Variants in USP44 observed in about 807,000 individuals in gnomAD.
The protein encoded by USP44 is ubiquitin specific peptidase 44.
In USP44, 61 loss-of-function variants were observed where a neutral mutation model predicts 69.0. That is an observed-to-expected ratio of 0.88 (90% CI 0.72 to 1.09). The LOEUF (loss-of-function observed/expected upper bound fraction) is 1.09. Among genes scored for constraint, USP44 ranks in the 50% least tolerant of loss-of-function variants. USP44 has a pLI of 0.00. For missense variants in USP44, 753 were observed against 849.9 expected, an observed-to-expected ratio of 0.89 and a Z score of 1.42; for synonymous variants, 297 against 295.4, an observed-to-expected ratio of 1.01 and a Z score of -0.06.
At chr12:95,524,851 G>A (rs2076785210) in intron 3 of USP44, 63 bp from the exon 4 acceptor site, 1 of 1,409,838 alleles carries the variant, frequency 7.1e-7, no homozygotes, top group South Asian at 1.3e-5. Context: ...AAAGCTGAGT[G>A]AACCTTCTTT....
rs751848023 is a variant in USP44, at chr12:95,518,228, G to A, written c.2065C>T (p.Pro689Ser). Reference protein sequence around the residue: ...VTENGHSKLLPPELLLGSQHP... With the variant: ...VTENGHSKLLSPELLLGSQHP... Reference sequence around the variant, plus strand: ...TGGCTCCCCAACAGGAGCTCTGGAGGCAAAAGTTTAGAATGTCCATTCTCA... The same window carrying A: ...TGGCTCCCCAACAGGAGCTCTGGAGACAAAAGTTTAGAATGTCCATTCTCA... The change falls in exon 6 of 6, where the codon CCT (proline) becomes TCT (serine). Residue 689 changes from proline (P) to serine (S), a missense_variant. Coordinates refer to ENST00000258499, the MANE Select transcript of USP44 (RefSeq NM_032147.5). The A allele has an allele frequency of 6.2e-7, 1 of 1,614,156 alleles. No homozygotes were observed. Among genetic ancestry groups the A allele is most frequent in the Admixed American group, 1.7e-5 (1 of 60,020 alleles).
chr12:95,537,848 A>G (rs542419255), intron 1 of USP44, among the ~76,000 whole-genome samples: 12 of 152,240 alleles, frequency 7.9e-5, no homozygotes, highest in Non-Finnish European at 1.6e-4. Flanking sequence ...TGTAAAAATA[A>G]CATGTTTTAA....
chr12:95,527,318 C>T (rs1205467698), intron 3 of USP44, among the ~76,000 whole-genome samples: 6 of 151,872 alleles, frequency 4.0e-5, no homozygotes. Flanking sequence ...TGGTCTCGAA[C>T]TCCTGACCTC....
At chr12:95,521,321 T>G in intron 4 of USP44, 119 bp from the exon 5 acceptor site, 1 of 915,454 alleles carries the variant, frequency 1.1e-6, no homozygotes, top group Non-Finnish European at 1.7e-6. Flanking sequence ...TCATATGTAA[T>G]ATAAAATGAT....
At position 95,534,231 on chromosome 12, in the gene USP44, T is replaced by C. The variant is rs1447488398; in HGVS notation, c.26A>G (p.His9Arg). The C allele has an allele frequency of 6.2e-7, 1 of 1,612,436 alleles. No homozygotes were observed. The highest frequency in any genetic ancestry group is 8.5e-7 in the Non-Finnish European group (1 of 1,178,794). Residue 9 changes from histidine (H) to arginine (R), a missense_variant, in exon 2 of 6, where the codon CAT (histidine) becomes CGT (arginine). His to Arg is a conservative substitution (Grantham distance 29). Transcript: ENST00000258499. The part of the protein sequence containing the change: MLAMDTCK[H>R]VGQLQLAQDH... ...TTGAGCAAGCTGCAGCTGCCCAACA[T>C]GTTTGCACGTATCCATTGCTAGCAT...
Position 95,524,716 on chromosome 12 carries a change from A to T in USP44, c.1697T>A (p.Leu566Gln), listed in dbSNP as rs200948953. ...GAGGTGCAGTCTGAGAACCTGAGGT[A>T]GGTGGCATATCATAAGTTGTTTCTG... Reference protein sequence around the residue: ...EAQKQLMICHLPQVLRLHLKR... With the variant: ...EAQKQLMICHQPQVLRLHLKR... Residue 566 changes from leucine (L) to glutamine (Q), a missense_variant, in exon 4 of 6, where the codon CTA (leucine) becomes CAA (glutamine). Physicochemically the swap from Leu to Gln is moderately radical, Grantham distance 113. Coordinates refer to ENST00000258499, the MANE Select transcript of USP44 (RefSeq NM_032147.5). 1.2e-6 allele frequency: 2 copies of T among 1,612,676 alleles called. No individual in the cohort carries two copies. Among genetic ancestry groups the T allele is most frequent in the East Asian group, 4.5e-5 (2 of 44,724 alleles).
At chr12:95,539,448 G>C (rs1011172356) in intron 1 of USP44, among the ~76,000 whole-genome samples, 1 of 152,024 alleles carries the variant, frequency 6.6e-6, no homozygotes, top group African/African-American at 2.4e-5. Context: ...GGATGGTCTC[G>C]ATCTCCTGAC....
intron 4 of USP44, among the ~76,000 whole-genome samples, chr12:95,523,007 C>T (rs889296846): frequency 6.6e-6 from 1 of 152,072 alleles, no homozygotes; most frequent in Non-Finnish European, 1.5e-5. Flanking sequence ...CCATAAAAAC[C>T]CAAAAGGATG....
chr12:95,527,503 G>C (rs905989866), intron 3 of USP44, among the ~76,000 whole-genome samples: 1 of 151,976 alleles, frequency 6.6e-6, no homozygotes, highest in African/African-American at 2.4e-5. Flanking sequence ...GTGTTTTTTT[G>C]AGACAGAGGC....
intron 2 of USP44, among the ~76,000 whole-genome samples, chr12:95,530,079 A>T (rs533224319): frequency 6.6e-6 from 1 of 152,318 alleles, no homozygotes; most frequent in Non-Finnish European, 1.5e-5. Flanking sequence ...TTGAAGACAG[A>T]CTCCATGAAC....
At chr12:95,521,338 G>A (rs2076655669) in intron 4 of USP44, 136 bp from the exon 5 acceptor site, 2 of 789,224 alleles carry the variant, frequency 2.5e-6, no homozygotes, top group Non-Finnish European at 4.1e-6. Context: ...TGATGTCAAT[G>A]CTGAAGCTGG....
At chr12:95,549,341 G>C (rs541542873) in intron 1 of USP44, among the ~76,000 whole-genome samples, 1 of 152,286 alleles carries the variant, frequency 6.6e-6, no homozygotes, top group East Asian at 1.9e-4. Context: ...AGAAGGGCGA[G>C]AGAGGTTCCA....
intron 1 of USP44, among the ~76,000 whole-genome samples, chr12:95,545,634 G>C (rs2077545628): frequency 1.3e-5 from 2 of 152,160 alleles, no homozygotes; most frequent in Admixed American, 1.3e-4. Context: ...AACCACCATA[G>C]TATTCTGTCC....
rs1433479112 is a variant in USP44, at chr12:95,520,864, A to G, written c.1939+133T>C. The stretch of plus-strand genomic sequence containing the variant: ...AACTCTCATTTTTTAGTACCTGCAG[A>G]GGCATTCTCCCTAAGAAAATAAGTG... On this transcript the variant is annotated intron_variant, in intron 5 of 5. Coordinates refer to ENST00000258499, the MANE Select transcript of USP44 (RefSeq NM_032147.5). 4 of 751,386 alleles carry G rather than the reference A, an allele frequency of 5.3e-6. No individual in the cohort carries two copies. In the Admixed American group the frequency reaches 1.0e-4, roughly 20 times the overall value. 46.5% of individuals were successfully genotyped at this position (751,386 alleles called of 1,614,324 possible).
Position 95,524,710 on chromosome 12 carries a change from T to C in USP44, c.1703A>G (p.Gln568Arg). ...QKQLMICHLP[Q>R]VLRLHLKRFR... ...TCGTTTGAGGTGCAGTCTGAGAACCTGAGGTAGGTGGCATATCATAAGTTG... is the reference window on the plus strand; with the variant it reads ...TCGTTTGAGGTGCAGTCTGAGAACCCGAGGTAGGTGGCATATCATAAGTTG... Residue 568 changes from glutamine to arginine, a missense_variant, in exon 4 of 6, where the codon CAG becomes CGG. Transcript: ENST00000258499. The C allele has an allele frequency of 1.2e-6, 2 of 1,612,286 alleles. No homozygotes were observed. Among genetic ancestry groups the C allele is most frequent in the Non-Finnish European group, 1.7e-6 (2 of 1,179,326 alleles).
intron 3 of USP44, 81 bp downstream of exon 3, chr12:95,528,726 A>C: frequency 7.1e-7 from 1 of 1,417,522 alleles, no homozygotes; most frequent in Admixed American, 2.4e-5. Flanking sequence ...TAACTGCTAA[A>C]GATTTCTTTC....
In USP44 at chr12:95,548,955, C is replaced by G. The variant is rs2077670550; in HGVS notation, c.-71+2317G>C. The stretch of plus-strand genomic sequence containing the variant: ...CGAGAACCTGCCGGTGGCCGCCTTC[C>G]GCGCCTCGTGGGGGGGTCGGGGCCA... On this transcript the variant is annotated intron_variant, in intron 1 of 5. Transcript: ENST00000258499. The surrounding 1 kb of genome is among the most constrained non-coding windows in gnomAD (Gnocchi z 4.1). 6.6e-6 allele frequency: 1 copy of G among 151,998 alleles called. No individual in the cohort carries two copies. The highest frequency in any genetic ancestry group is 2.1e-4 in the South Asian group (1 of 4,820). The allele number at this position is 151,998 out of a possible 1,614,324, so 9.4% of individuals were successfully genotyped here.
chr12:95,522,610 T>C (rs902075678), intron 4 of USP44, among the ~76,000 whole-genome samples: 1 of 151,876 alleles, frequency 6.6e-6, no homozygotes, highest in Non-Finnish European at 1.5e-5. Context: ...AAACCCCGTC[T>C]CTACTAAAAA....
In USP44 at chr12:95,533,398, C is replaced by T; in HGVS notation, c.859G>A (p.Val287Ile). The change falls in exon 2 of 6, where the codon GTT (valine) becomes ATT (isoleucine). Residue 287 changes from valine (V) to isoleucine (I), a missense_variant. Transcript: ENST00000258499. ...NLGNTCYMNSVLQVLSHLLIF... is the reference protein window; with the variant it reads ...NLGNTCYMNSILQVLSHLLIF... ...AGTAAATGACTCAACACCTGAAGAA[C>T]AGAATTCATATAGCAAGTATTTCCC... The T allele has an allele frequency of 6.2e-7, 1 of 1,613,680 alleles. No homozygotes were observed. The highest frequency in any genetic ancestry group is 8.5e-7 in the Non-Finnish European group (1 of 1,179,714).
Sources: allele counts gnomAD v4.1 joint callset (sites outside exome capture counted in the v4.1 genomes callset), GRCh38; gene constraint gnomAD v4.1.1; non-coding constraint Gnocchi (gnomAD v3.1); transcripts MANE v1.5; gene names NCBI Gene and HGNC (gene_info 2026-07-23, HGNC 2026-07-21).